Variants in ARHGAP42 observed in about 807,000 individuals in gnomAD.
The protein encoded by ARHGAP42 is Rho GTPase activating protein 42, also known as rho GTPase-activating protein 42.
Under a neutral mutation model 125.0 loss-of-function variants are expected in ARHGAP42, and 63 were observed. The observed-to-expected ratio is 0.50, with a 90% CI of 0.41 to 0.62. The LOEUF is 0.62. Among genes scored for constraint, ARHGAP42 ranks in the 20% least tolerant of loss-of-function variants. The pLI is 0.00. For missense variants in ARHGAP42, 766 were observed against 1,024.2 expected (o/e 0.75, Z 3.44); for synonymous variants, 339 against 351.0 (o/e 0.97, Z 0.38).
intron 21 of ARHGAP42, among the ~76,000 whole-genome samples, chr11:100,978,361 C>G (rs1356031569): frequency 6.6e-6 from 1 of 152,044 alleles, no homozygotes; most frequent in Non-Finnish European, 1.5e-5. Flanking sequence ...ATAGAGTCTT[C>G]CAGTAAATAT....
intron 1 of ARHGAP42, among the ~76,000 whole-genome samples, chr11:100,766,036 C>T (rs1167611849): frequency 6.6e-6 from 1 of 152,142 alleles, no homozygotes; most frequent in East Asian, 1.9e-4. Flanking sequence ...TTGTATTCCT[C>T]TAATGAAATG....
intron 1 of ARHGAP42, among the ~76,000 whole-genome samples, chr11:100,689,852 A>C (rs1861157610): frequency 6.6e-6 from 1 of 152,206 alleles, no homozygotes; most frequent in South Asian, 2.1e-4. Context: ...TTTGGAGCAA[A>C]GGAACCCTTG....
At chr11:100,978,937 A>G (rs766318426) in intron 21 of ARHGAP42, 50 bp from the exon 22 acceptor site, 122 of 1,530,634 alleles carry the variant, frequency 8.0e-5, no homozygotes, top group Non-Finnish European at 9.2e-5. Flanking sequence ...CTTTGAGCAG[A>G]ACTGAATGTG....
At chr11:100,928,165 C>G (rs1031224713) in intron 6 of ARHGAP42, among the ~76,000 whole-genome samples, 4 of 152,170 alleles carry the variant, frequency 2.6e-5, no homozygotes, top group Admixed American at 2.6e-4. Flanking sequence ...AAATTGATGC[C>G]TTGACTTTGC....
intron 4 of ARHGAP42, among the ~76,000 whole-genome samples, chr11:100,899,171 C>A (rs1385011607): frequency 2.6e-5 from 4 of 152,158 alleles, no homozygotes; most frequent in Admixed American, 1.3e-4. Context: ...TTTCTTAATC[C>A]TGAGTTCTAA....
intron 1 of ARHGAP42, among the ~76,000 whole-genome samples, chr11:100,718,569 C>T (rs1019910823): frequency 6.6e-6 from 1 of 152,044 alleles, no homozygotes; most frequent in Admixed American, 6.6e-5. Flanking sequence ...CTCAAACACA[C>T]CACGAATAGA....
intron 2 of ARHGAP42, among the ~76,000 whole-genome samples, chr11:100,784,204 T>G (rs1229497783): frequency 6.6e-6 from 1 of 152,156 alleles, no homozygotes; most frequent in Non-Finnish European, 1.5e-5. Context: ...GTGCAAAGTT[T>G]GAGATTAGAA....
At chr11:100,700,052 A>G (rs2120200462) in intron 1 of ARHGAP42, among the ~76,000 whole-genome samples, 2 of 152,222 alleles carry the variant, frequency 1.3e-5, no homozygotes, top group South Asian at 4.1e-4. Flanking sequence ...GATGTCAGAG[A>G]TATTGCAGGT....
chr11:100,767,603 C>G (rs1156425653), intron 1 of ARHGAP42, among the ~76,000 whole-genome samples: 1 of 152,038 alleles, frequency 6.6e-6, no homozygotes, highest in African/African-American at 2.4e-5. Flanking sequence ...GACAGAGCTT[C>G]CAAATAGGCT....
intron 17 of ARHGAP42, among the ~76,000 whole-genome samples, chr11:100,972,883 T>C (rs925691250): frequency 6.6e-6 from 1 of 152,174 alleles, no homozygotes; most frequent in African/African-American, 2.4e-5. Context: ...GCATTGAAAA[T>C]ACCAAACAGC....
rs992506693 is a variant in ARHGAP42 at position 100,989,683 on chromosome 11, A to G, written c.*882A>G. The G allele has an allele frequency of 4.6e-5, 7 of 152,254 alleles. No individual in the cohort carries two copies. The highest frequency in any genetic ancestry group is 1.7e-4 in the African/African-American group (7 of 41,470). 9.4% of individuals were successfully genotyped at this position (152,254 alleles called of 1,614,324 possible). ...TGGCATCATAGAAGAATATTTACCA[A>G]TGATGGGGAAACTGTAAAACTACAG... is the stretch of plus-strand genomic sequence containing the variant. On this transcript the variant is annotated 3_prime_UTR_variant, in exon 24 of 24. Transcript: ENST00000298815.
chr11:100,922,427 G>A (rs1261241038), intron 6 of ARHGAP42, among the ~76,000 whole-genome samples: 1 of 152,040 alleles, frequency 6.6e-6, no homozygotes, highest in African/African-American at 2.4e-5. Context: ...GCCTAAATAG[G>A]CATCTTGACA....
chr11:100,992,811 G>C lies in ARHGAP42; in HGVS notation c.*4010G>C. On this transcript the variant is annotated 3_prime_UTR_variant, in exon 24 of 24. Transcript: ENST00000298815. ...CATAAGAATGTTGACAACATTCACA[G>C]TAAGCCATTGGCAGAAAATTGATCT... 1 of 1,272,162 alleles carries C rather than the reference G, an allele frequency of 7.9e-7. No individual in the cohort carries two copies. The highest frequency in any genetic ancestry group is 1.1e-6 in the Non-Finnish European group (1 of 921,120). The allele number at this position is 1,272,162 out of a possible 1,614,324, so 78.8% of individuals were successfully genotyped here. A position where few individuals can be genotyped will look rare whatever the true frequency, so the allele number is the denominator to read the frequency against.
intron 2 of ARHGAP42, among the ~76,000 whole-genome samples, chr11:100,779,959 G>T (rs1251973402): frequency 4.0e-5 from 6 of 151,826 alleles, no homozygotes; most frequent in African/African-American, 1.5e-4. Context: ...CTGGGAGTCA[G>T]AGGTTGCAGT....
At chr11:100,861,601 A>G (rs746072276) in intron 4 of ARHGAP42, among the ~76,000 whole-genome samples, 2 of 152,200 alleles carry the variant, frequency 1.3e-5, no homozygotes, top group African/African-American at 4.8e-5. Flanking sequence ...GACAACAGTA[A>G]GAAGTGGGTT....
intron 1 of ARHGAP42, among the ~76,000 whole-genome samples, chr11:100,769,712 CTTTTTTTT>C (rs140626690): frequency 3.7e-4 from 29 of 78,094 alleles, no homozygotes; most frequent in African/African-American, 1.2e-3. Context: ...AGCATTCCTT[CTTTTTTTT>C]TTTTTTTTTT....
chr11:100,735,863 G>C lies in ARHGAP42; in HGVS notation c.155-34480G>C, dbSNP rs949992876. Among the ~76,000 whole-genome samples the C allele has an allele frequency of 3.3e-5, 5 of 152,128 alleles. No homozygotes were observed. The East Asian group carries it at 9.7e-4, about 29-fold the overall frequency. ...ACTCCAGATCTCAGGCCATCCACCC[G>C]CCTCAGCCTCCCAAAGTGTTGGGAT... On this transcript the variant is annotated intron_variant, in intron 1 of 23. Coordinates refer to ENST00000298815, the MANE Select transcript of ARHGAP42 (RefSeq NM_152432.4).
intron 9 of ARHGAP42, 139 bp downstream of exon 9, chr11:100,942,023 C>A: frequency 1.5e-6 from 1 of 654,800 alleles, no homozygotes; most frequent in Non-Finnish European, 2.5e-6. Flanking sequence ...GGTTTTCTCT[C>A]ATTTTTGTGA....
chr11:100,818,910 A>G (rs1429085480), intron 3 of ARHGAP42, among the ~76,000 whole-genome samples: 1 of 152,160 alleles, frequency 6.6e-6, no homozygotes, highest in African/African-American at 2.4e-5. Flanking sequence ...GACATAAGCA[A>G]ATGTAGGGAG....
Sources: gnomAD v4.1 joint callset for allele counts (sites outside exome capture counted in the v4.1 genomes callset) on GRCh38, gnomAD v4.1.1 for gene constraint, MANE v1.5 for transcripts, NCBI Gene and HGNC (gene_info 2026-07-23, HGNC 2026-07-21) for gene names.